The following IQUB variants were observed in gnomAD, a reference collection of about 807,000 sequenced individuals.
IQUB encodes IQ motif and ubiquitin-like domain-containing protein.
Under a neutral mutation model 86.4 loss-of-function variants are expected in IQUB, and 86 were observed. That is an observed-to-expected ratio of 1.00 (90% confidence interval 0.84 to 1.19). The LOEUF (loss-of-function observed/expected upper bound fraction) is 1.19, where lower values mean the gene tolerates loss of function less well. Among genes scored for constraint, IQUB ranks in the 50% most tolerant of loss-of-function variants. The probability of loss-of-function intolerance (pLI) is 0.00; values close to 1 mark genes in which losing one functional copy is unlikely to be tolerated. For missense variants in IQUB, 946 were observed against 916.9 expected, an observed-to-expected ratio of 1.03 and a Z score of -0.41; for synonymous variants, 289 against 304.5, an observed-to-expected ratio of 0.95 and a Z score of 0.53.
chr7:123,488,446 G>A (rs7807724), intron 7 of IQUB, among the ~76,000 whole-genome samples: 54,698 of 151,944 alleles, frequency 0.36, 9,948 homozygotes, highest in African/African-American at 0.37. Context: ...CGTGGTGGGA[G>A]GTAGGTACTG....
chr7:123,510,292 A>T (rs1320323929), intron 2 of IQUB, among the ~76,000 whole-genome samples: 3 of 152,128 alleles, frequency 2.0e-5, no homozygotes, highest in African/African-American at 7.2e-5. Flanking sequence ...AATACCTGGT[A>T]TGTATCATTC....
chr7:123,528,073 A>G (rs1178907854), intron 1 of IQUB, among the ~76,000 whole-genome samples: 1 of 152,114 alleles, frequency 6.6e-6, no homozygotes, highest in Non-Finnish European at 1.5e-5. Flanking sequence ...GAGTGACCCG[A>G]TTTTCCAGGT....
At chr7:123,477,348 C>G (rs1794793830) in intron 8 of IQUB, among the ~76,000 whole-genome samples, 1 of 152,174 alleles carries the variant, frequency 6.6e-6, no homozygotes, top group East Asian at 1.9e-4. Flanking sequence ...AAAGGATTCC[C>G]TATTTAATAA....
intron 7 of IQUB, among the ~76,000 whole-genome samples, chr7:123,482,154 T>C (rs1563444236): frequency 6.6e-6 from 1 of 152,054 alleles, no homozygotes; most frequent in Non-Finnish European, 1.5e-5. Context: ...TGAATGTTTA[T>C]ACAGGAAATC....
intron 3 of IQUB, among the ~76,000 whole-genome samples, chr7:123,507,018 G>C (rs1213811296): frequency 5.3e-5 from 8 of 152,072 alleles, no homozygotes; most frequent in African/African-American, 1.9e-4. Flanking sequence ...CTGCTGTTTT[G>C]TGTCATGGAA....
At chr7:123,476,061 C>T (rs1794732549) in intron 8 of IQUB, among the ~76,000 whole-genome samples, 1 of 152,172 alleles carries the variant, frequency 6.6e-6, no homozygotes, top group Non-Finnish European at 1.5e-5. Context: ...TTCTTCCTCC[C>T]TACCTTCTTC....
chr7:123,481,898 T>C (rs1795023418), intron 7 of IQUB, among the ~76,000 whole-genome samples: 1 of 152,014 alleles, frequency 6.6e-6, no homozygotes, highest in African/African-American at 2.4e-5. Flanking sequence ...GTTTAAAATA[T>C]GAAATGATTA....
At chr7:123,525,183 C>T (rs1450232754) in intron 1 of IQUB, among the ~76,000 whole-genome samples, 2 of 152,026 alleles carry the variant, frequency 1.3e-5, no homozygotes, top group African/African-American at 2.4e-5. Context: ...GTGTCTCTGC[C>T]CAGCTTTGGT....
rs563345859 is a variant in IQUB, at chr7:123,452,638, A to C, written c.*105T>G. 4.8e-5 allele frequency: 32 copies of C among 666,228 alleles called. No homozygotes were observed. In the African/African-American group the frequency reaches 5.9e-4, roughly 12 times the overall value. The allele number at this position is 666,228 out of a possible 1,614,324, so 41.3% of individuals were successfully genotyped here. ...AAAATACTATGAAAAACAAAAAACA[A>C]AATCAATAAACAGATTAAATTCCAT... On this transcript the variant is annotated 3_prime_UTR_variant, in exon 13 of 13. Coordinates refer to ENST00000324698, the MANE Select transcript of IQUB (RefSeq NM_178827.5).
intron 6 of IQUB, among the ~76,000 whole-genome samples, chr7:123,498,404 A>G (rs1030538552): frequency 6.6e-6 from 1 of 152,200 alleles, no homozygotes; most frequent in Admixed American, 6.5e-5. Context: ...TATAGTTAAT[A>G]TTTTCACAGA....
intron 2 of IQUB, among the ~76,000 whole-genome samples, chr7:123,511,240 A>G (rs989140005): frequency 2.0e-5 from 3 of 152,066 alleles, no homozygotes; most frequent in South Asian, 2.1e-4. Flanking sequence ...CATGTTCTCC[A>G]CTCTGTAGGC....
At chr7:123,527,920 G>GC (rs1186558042) in intron 1 of IQUB, among the ~76,000 whole-genome samples, 1 of 152,234 alleles carries the variant, frequency 6.6e-6, no homozygotes, top group Non-Finnish European at 1.5e-5. Context: ...CAGCCTCGCT[G>GC]CCGCCTTGCA....
intron 7 of IQUB, among the ~76,000 whole-genome samples, chr7:123,492,149 G>A (rs1454351323): frequency 1.3e-5 from 2 of 152,166 alleles, no homozygotes; most frequent in Non-Finnish European, 2.9e-5. Flanking sequence ...TGCCCTTGGA[G>A]TTCCCAGACT....
chr7:123,512,136 A>T lies in IQUB; in HGVS notation c.205T>A (p.Ser69Thr). 2 of 1,614,058 alleles carry T rather than the reference A, an allele frequency of 1.2e-6. No individual in the cohort carries two copies. Among genetic ancestry groups the T allele is most frequent in the Non-Finnish European group, 1.7e-6 (2 of 1,179,962 alleles). The change falls in exon 2 of 13, where the codon TCA (serine) becomes ACA (threonine). Residue 69 changes from serine to threonine, a missense_variant. Ser to Thr is a moderately conservative substitution (Grantham distance 58, BLOSUM62 1). Coordinates refer to ENST00000324698, the MANE Select transcript of IQUB (RefSeq NM_178827.5). ...HVEEQSDQSF[S>T]SLEPDNEQLM... Reference sequence around the variant, plus strand: ...TGTTCATTGTCTGGTTCCAGGCTTGAAAAGCTTTGGTCACTCTGCTCCTCA... The same window carrying T: ...TGTTCATTGTCTGGTTCCAGGCTTGTAAAGCTTTGGTCACTCTGCTCCTCA...
At chr7:123,475,619 T>C (rs1232575225) in intron 8 of IQUB, among the ~76,000 whole-genome samples, 3 of 152,144 alleles carry the variant, frequency 2.0e-5, no homozygotes, top group Non-Finnish European at 4.4e-5. Flanking sequence ...TGTAAGTATA[T>C]ACAACAATAG....
At chr7:123,460,522 CTTAT>C (rs1793929468) in intron 11 of IQUB, among the ~76,000 whole-genome samples, 1 of 151,720 alleles carries the variant, frequency 6.6e-6, no homozygotes, top group East Asian at 1.9e-4. Flanking sequence ...AAAATTTGCC[CTTAT>C]TTGACAGTCT....
At chr7:123,529,987 T>C (rs1018879894) in intron 1 of IQUB, among the ~76,000 whole-genome samples, 3 of 149,828 alleles carry the variant, frequency 2.0e-5, no homozygotes, top group Non-Finnish European at 3.0e-5. Flanking sequence ...GAGCCAAGAT[T>C]GCACCACTGC....
intron 9 of IQUB, among the ~76,000 whole-genome samples, chr7:123,466,212 G>A (rs538331822): frequency 6.6e-6 from 1 of 152,082 alleles, no homozygotes; most frequent in East Asian, 1.9e-4. Flanking sequence ...GTCAGAATTT[G>A]AGTTGTACTT....
intron 1 of IQUB, among the ~76,000 whole-genome samples, chr7:123,522,253 C>A (rs983332971): frequency 4.3e-4 from 65 of 152,136 alleles, no homozygotes; most frequent in Non-Finnish European, 1.3e-4. Flanking sequence ...ACTGGTGTTT[C>A]CCCTGTTGGA....
Sources: gnomAD v4.1 joint callset for allele counts (sites outside exome capture counted in the v4.1 genomes callset) on GRCh38, gnomAD v4.1.1 for gene constraint, MANE v1.5 for transcripts, NCBI Gene and HGNC (gene_info 2026-07-23, HGNC 2026-07-21) for gene names.